The following PPARGC1A variants were observed in gnomAD, a reference collection of about 807,000 sequenced individuals.
PPARGC1A encodes peroxisome proliferator-activated receptor gamma coactivator 1-alpha.
Under a neutral mutation model 88.7 loss-of-function variants are expected in PPARGC1A, and 25 were observed. The ratio of observed to expected loss-of-function variants is 0.28; its 90% CI spans 0.21 to 0.39. The LOEUF is 0.39. Among genes scored for constraint, PPARGC1A ranks in the 10% least tolerant of loss-of-function variants. The probability of loss-of-function intolerance (pLI) is 1.00; values close to 1 mark genes in which losing one functional copy is unlikely to be tolerated. For missense variants in PPARGC1A, 880 were observed against 968.7 expected, an observed-to-expected ratio of 0.91 and a Z score of 1.22; for synonymous variants, 363 against 355.6, an observed-to-expected ratio of 1.02 and a Z score of -0.24.
At chr4:23,898,558 G>A (rs190067325) in intron 1 of PPARGC1A, among the ~76,000 whole-genome samples, 3 of 152,286 alleles carry the variant, frequency 2.0e-5, no homozygotes, top group Non-Finnish European at 4.4e-5. Flanking sequence ...ACAATGCTGG[G>A]TTCTCACTAG....
the PPARGC1A span, among the ~76,000 whole-genome samples, chr4:24,365,128 A>T: frequency 6.6e-6 from 1 of 151,700 alleles, no homozygotes; most frequent in African/African-American, 2.4e-5. Context: ...ATCCTACCAT[A>T]ACAAGCTAAT....
At chr4:23,887,281 A>G (rs1372547081) in intron 1 of PPARGC1A, among the ~76,000 whole-genome samples, 1 of 152,164 alleles carries the variant, frequency 6.6e-6, no homozygotes, top group Non-Finnish European at 1.5e-5. Context: ...TTGACATGCT[A>G]ATAAAATCTG....
At chr4:23,994,025 T>C in the PPARGC1A span, among the ~76,000 whole-genome samples, 3 of 152,280 alleles carry the variant, frequency 2.0e-5, no homozygotes, top group African/African-American at 7.2e-5. Flanking sequence ...AAAGAAAGAA[T>C]AGAAGTTTCT....
the PPARGC1A span, among the ~76,000 whole-genome samples, chr4:24,207,515 GCT>G: frequency 2.0e-5 from 3 of 152,180 alleles, no homozygotes; most frequent in African/African-American, 7.2e-5. Flanking sequence ...ACAGTCATTT[GCT>G]GAAAAGAAAC....
intron 2 of PPARGC1A, among the ~76,000 whole-genome samples, chr4:23,845,078 C>A (rs893093622): frequency 2.6e-5 from 4 of 151,268 alleles, no homozygotes; most frequent in Non-Finnish European, 5.9e-5. Flanking sequence ...GGGTGATAGG[C>A]AAAATATTTA....
chr4:23,807,763 G>C (rs961599242), intron 10 of PPARGC1A, among the ~76,000 whole-genome samples: 1 of 151,662 alleles, frequency 6.6e-6, no homozygotes, highest in African/African-American at 2.4e-5. Context: ...GTATGTGTGT[G>C]TGTGTGAATA....
the PPARGC1A span, among the ~76,000 whole-genome samples, chr4:23,980,410 A>C: frequency 6.6e-6 from 1 of 152,132 alleles, no homozygotes; most frequent in African/African-American, 2.4e-5. Context: ...GAAGGAGCTC[A>C]CTAAGTAAAT....
the PPARGC1A span, among the ~76,000 whole-genome samples, chr4:23,931,615 C>T: frequency 1.3e-5 from 2 of 152,154 alleles, no homozygotes; most frequent in African/African-American, 4.8e-5. Flanking sequence ...TGTCATCTGA[C>T]ATTGGATTTG....
chr4:24,387,934 G>GGGAGAAAGAA, the PPARGC1A span, among the ~76,000 whole-genome samples: 1 of 71,456 alleles, frequency 1.4e-5, no homozygotes, highest in African/African-American at 6.7e-5. Flanking sequence ...AAGAAAGAAA[G>GGGAGAAAGAA]AGAAAGAAAG....
the PPARGC1A span, among the ~76,000 whole-genome samples, chr4:24,404,675 G>A: frequency 1.4e-3 from 220 of 152,260 alleles, no homozygotes; most frequent in African/African-American, 4.8e-3. Context: ...GCATTAGGAC[G>A]TGGCAAATGG....
the PPARGC1A span, among the ~76,000 whole-genome samples, chr4:24,132,520 T>C: frequency 6.6e-6 from 1 of 152,170 alleles, no homozygotes; most frequent in Non-Finnish European, 1.5e-5. Context: ...TAGTCAGCGA[T>C]TGTACCTCAA....
the PPARGC1A span, among the ~76,000 whole-genome samples, chr4:24,414,913 G>C: frequency 6.6e-6 from 1 of 152,150 alleles, no homozygotes; most frequent in African/African-American, 2.4e-5. Context: ...ACCATGGCCG[G>C]ACATGGTGGC....
chr4:24,206,772 G>A, the PPARGC1A span, among the ~76,000 whole-genome samples: 1 of 149,720 alleles, frequency 6.7e-6, no homozygotes, highest in Non-Finnish European at 1.5e-5. Context: ...CCTGGGAGGT[G>A]GAGGCTGCAG....
At chr4:23,971,959 A>G in the PPARGC1A span, among the ~76,000 whole-genome samples, 2 of 152,110 alleles carry the variant, frequency 1.3e-5, no homozygotes, top group African/African-American at 4.8e-5. Flanking sequence ...TCCAGCAAAC[A>G]GCCATTTTTA....
intron 2 of PPARGC1A, among the ~76,000 whole-genome samples, chr4:23,878,839 T>G (rs1715340328): frequency 1.3e-5 from 2 of 152,340 alleles, no homozygotes; most frequent in South Asian, 4.1e-4. Context: ...TGTGGTAGAC[T>G]ACAAATGCAA....
chr4:24,432,199 T>C, the PPARGC1A span, among the ~76,000 whole-genome samples: 1 of 151,952 alleles, frequency 6.6e-6, no homozygotes, highest in East Asian at 1.9e-4. Flanking sequence ...GCGGTAAAGG[T>C]GGAAGGGGTT....
chr4:23,811,133 A>G (rs1325171438), intron 10 of PPARGC1A, among the ~76,000 whole-genome samples: 2 of 152,308 alleles, frequency 1.3e-5, no homozygotes, highest in Admixed American at 1.3e-4. Flanking sequence ...CTAAGTGTTC[A>G]GTTACTTCTC....
At chr4:24,092,866 G>A in the PPARGC1A span, among the ~76,000 whole-genome samples, 1 of 152,196 alleles carries the variant, frequency 6.6e-6, no homozygotes, top group African/African-American at 2.4e-5. Context: ...CATTCTGGTT[G>A]CCAGCCTCGA....
chr4:23,950,307 AT>A, the PPARGC1A span, among the ~76,000 whole-genome samples: 1 of 152,016 alleles, frequency 6.6e-6, no homozygotes, highest in Admixed American at 6.6e-5. Context: ...CACCTCCTCT[AT>A]AAACTTCCTT....
Sources: gnomAD v4.1 joint callset for allele counts (sites outside exome capture counted in the v4.1 genomes callset) on GRCh38, gnomAD v4.1.1 for gene constraint, MANE v1.5 for transcripts, NCBI Gene and HGNC (gene_info 2026-07-23, HGNC 2026-07-21) for gene names.